Variants in GREB1 observed in about 807,000 individuals in gnomAD.
GREB1 encodes growth regulating estrogen receptor binding 1.
GREB1 carries 106 observed loss-of-function variants against 200.7 expected under a neutral mutation model. The ratio of observed to expected loss-of-function variants is 0.53; its 90% CI spans 0.45 to 0.62. The LOEUF (loss-of-function observed/expected upper bound fraction) is 0.62. GREB1 is among the 20% of genes least tolerant of loss of function. The probability of loss-of-function intolerance (pLI) is 0.00; values close to 1 mark genes in which losing one functional copy is unlikely to be tolerated. For synonymous variants in GREB1, 1,132 were observed against 1,092.4 expected (o/e 1.04, Z -0.72); for missense variants, 2,243 against 2,556.8 (o/e 0.88, Z 2.65).
chr2:11,543,267 A>C (rs904723187), intron 1 of GREB1, among the ~76,000 whole-genome samples: 8 of 152,250 alleles, frequency 5.3e-5, no homozygotes, highest in African/African-American at 1.9e-4. Context: ...CCATTGGATA[A>C]ACTACTCTGT....
intron 1 of GREB1, among the ~76,000 whole-genome samples, chr2:11,487,767 C>A (rs1672688283): frequency 6.6e-6 from 1 of 152,192 alleles, no homozygotes; most frequent in Non-Finnish European, 1.5e-5. Flanking sequence ...CACACCACAA[C>A]CCTTTTGGAT....
At chr2:11,612,970 C>G (rs895257518) in intron 19 of GREB1, among the ~76,000 whole-genome samples, 6 of 152,132 alleles carry the variant, frequency 3.9e-5, no homozygotes, top group African/African-American at 1.4e-4. Context: ...TGGGACAGTA[C>G]GGCATCCTCT....
chr2:11,546,740 G>A (rs1016225301), intron 1 of GREB1, among the ~76,000 whole-genome samples: 9 of 152,114 alleles, frequency 5.9e-5, no homozygotes, highest in African/African-American at 1.7e-4. Flanking sequence ...AGCGCATCTC[G>A]CTTTTTGTGT....
rs1419579076 is a variant in GREB1 at position 11,610,898 on chromosome 2, G to T, written c.2877G>T (p.Leu959=). 6.2e-7 allele frequency: 1 copy of T among 1,613,030 alleles called. No homozygotes were observed. Residue 959 remains leucine (L), a synonymous_variant, in exon 18 of 33, where the codon CTG becomes CTT. Transcript: ENST00000381486. ...TGCTGCGGGTGCCCTGTTCGCCCCTGGCGGTGGTGGCCTATGAGCGGCTGG... is the reference window on the plus strand; with the variant it reads ...TGCTGCGGGTGCCCTGTTCGCCCCTTGCGGTGGTGGCCTATGAGCGGCTGG... ...MVLLRVPCSP[L]AVVAYERLAH... is the part of the protein sequence containing the mutation.
chr2:11,597,150 G>A lies in GREB1; in HGVS notation c.1955-631G>A, dbSNP rs529411098. ...TGAGAGGGCACTGGCGAGGGCCTCG[G>A]TCTGGCCTGGGAGGCAGCATCCAAG... On this transcript the variant is annotated intron_variant, in intron 13 of 32. Coordinates refer to ENST00000381486, the MANE Select transcript of GREB1 (RefSeq NM_014668.4). The surrounding 1 kb of genome is among the most constrained non-coding windows in gnomAD (Gnocchi z 4.1). Among the ~76,000 whole-genome samples the A allele has an allele frequency of 2.0e-5, 3 of 152,216 alleles. No individual in the cohort carries two copies. The highest frequency in any genetic ancestry group is 1.9e-4 in the East Asian group (1 of 5,184).
chr2:11,591,366 T>G (rs1680710484), intron 10 of GREB1: 3 of 732,710 alleles, frequency 4.1e-6, no homozygotes, highest in Non-Finnish European at 2.6e-6. Context: ...ACCCACCTTC[T>G]AAATGGAAGC....
At chr2:11,532,925 C>T (rs1674129422), upstream of GREB1, among the ~76,000 whole-genome samples, 1 of 152,134 alleles carries the variant, frequency 6.6e-6, no homozygotes, top group Admixed American at 6.5e-5. Context: ...TTCCAACAAC[C>T]TTATGATAGA....
chr2:11,515,036 A>T (rs1023772250), intron 1 of GREB1, among the ~76,000 whole-genome samples: 3 of 149,026 alleles, frequency 2.0e-5, no homozygotes, highest in Non-Finnish European at 3.0e-5. Flanking sequence ...CCATCTATCT[A>T]TCCATCCATC....
intron 1 of GREB1, among the ~76,000 whole-genome samples, chr2:11,501,814 T>C (rs1673045183): frequency 6.6e-6 from 1 of 151,980 alleles, no homozygotes; most frequent in Non-Finnish European, 1.5e-5. Flanking sequence ...TTTGTTAATT[T>C]TCAAGTATCG....
chr2:11,616,828 C>T, intron 21 of GREB1, 108 bp downstream of exon 21: 1 of 720,624 alleles, frequency 1.4e-6, no homozygotes, highest in Non-Finnish European at 2.5e-6. Context: ...TATTTTCCAT[C>T]AGAACTGGAA....
In GREB1 at chr2:11,634,017, G is replaced by A. The variant is rs540323426; in HGVS notation, c.4992-114G>A. On this transcript the variant is annotated intron_variant, in intron 28 of 32. Transcript: ENST00000381486. ...CCCTGGGGGGACTGTGCGGGGCACC[G>A]GCCCGTCCAGGTGTTCACGGCAGTC... 9.6e-5 allele frequency: 95 copies of A among 986,098 alleles called. No homozygotes were observed. In the South Asian group the frequency reaches 1.1e-3, roughly 12 times the overall value. 61.1% of individuals were successfully genotyped at this position (986,098 alleles called of 1,614,324 possible). A position where few individuals can be genotyped will look rare whatever the true frequency, so the allele number is the denominator to read the frequency against.
At position 11,640,172 on chromosome 2, in the gene GREB1, C is replaced by T; in HGVS notation, c.5687-119C>T. 2 of 882,586 alleles carry T rather than the reference C, an allele frequency of 2.3e-6. No individual in the cohort carries two copies. The highest frequency in any genetic ancestry group is 3.4e-6 in the Non-Finnish European group (2 of 587,168). The allele number at this position is 882,586 out of a possible 1,614,324, so 54.7% of individuals were successfully genotyped here. On this transcript the variant is annotated intron_variant, in intron 32 of 32. Coordinates refer to ENST00000381486, the MANE Select transcript of GREB1 (RefSeq NM_014668.4). This position sits in a 1 kb window ranked among gnomAD's most constrained non-coding sequence, Gnocchi z 4.6. The stretch of plus-strand genomic sequence containing the variant: ...AAGAAGCAAGGGGCCGACTTGGATG[C>T]CGCTTCTGCCCTTCCCAACAGCGCC...
intron 1 of GREB1, among the ~76,000 whole-genome samples, chr2:11,506,356 A>C (rs1472307721): frequency 1.3e-5 from 2 of 152,158 alleles, no homozygotes; most frequent in Non-Finnish European, 2.9e-5. Flanking sequence ...CCATAGCCTG[A>C]GGGGAACCAG....
chr2:11,510,833 C>T (rs1187555654), intron 1 of GREB1, among the ~76,000 whole-genome samples: 2 of 151,958 alleles, frequency 1.3e-5, no homozygotes, highest in Non-Finnish European at 2.9e-5. Flanking sequence ...TCATCACACC[C>T]GGCTATTTTT....
chr2:11,618,343 G>A lies in GREB1; in HGVS notation c.3468G>A (p.Glu1156=), dbSNP rs1478448729. ...AGCCCACAGCACTCCCCCAGGGAGA[G>A]CATGCCAGGTCGCCCCAGCCCCGTG... The part of the protein sequence containing the change: ...SAQPTALPQG[E]HARSPQPRGP... The change falls in exon 22 of 33, where the codon GAG becomes GAA. Residue 1156 remains glutamate (E), a synonymous_variant. Transcript: ENST00000381486. 3 of 1,606,382 alleles carry A rather than the reference G, an allele frequency of 1.9e-6. No individual in the cohort carries two copies. Among genetic ancestry groups the A allele is most frequent in the African/African-American group, 1.3e-5 (1 of 74,630 alleles).
intron 7 of GREB1, among the ~76,000 whole-genome samples, chr2:11,584,008 C>T (rs751928553): frequency 2.0e-4 from 31 of 152,142 alleles, no homozygotes; most frequent in Admixed American, 4.6e-4. Context: ...CGGGTCACAC[C>T]TGGAGAACCG....
chr2:11,503,316 G>T (rs1226464335), intron 1 of GREB1, among the ~76,000 whole-genome samples: 1 of 151,966 alleles, frequency 6.6e-6, no homozygotes, highest in Admixed American at 6.6e-5. Context: ...TACATTTTTT[G>T]GGTTGTAAAT....
rs537207551 is a variant in GREB1 at position 11,616,415 on chromosome 2, C to A, written c.3323-216C>A. Among the ~76,000 whole-genome samples the A allele has an allele frequency of 2.6e-5, 4 of 152,358 alleles. No individual in the cohort carries two copies. The South Asian group carries it at 8.3e-4, about 32-fold the overall frequency. On this transcript the variant is annotated intron_variant, in intron 20 of 32. Coordinates refer to ENST00000381486, the MANE Select transcript of GREB1 (RefSeq NM_014668.4). ...TGCAGCTGTGCCTCATGGGCAGGAG[C>A]CTTCGCTGCACCCAGAGTGCCTCCC... is the stretch of plus-strand genomic sequence containing the variant.
intron 11 of GREB1, among the ~76,000 whole-genome samples, chr2:11,593,848 C>T (rs1024353247): frequency 6.6e-6 from 1 of 152,168 alleles, no homozygotes; most frequent in Non-Finnish European, 1.5e-5. Flanking sequence ...CCACAGGGAG[C>T]AGAGCAGTCT....
Sources: allele counts gnomAD v4.1 joint callset (sites outside exome capture counted in the v4.1 genomes callset), GRCh38; gene constraint gnomAD v4.1.1; non-coding constraint Gnocchi (gnomAD v3.1); transcripts MANE v1.5; gene names NCBI Gene and HGNC (gene_info 2026-07-23, HGNC 2026-07-21).